ISLR2: variants seen among roughly 807,000 people sequenced by gnomAD.
The protein encoded by ISLR2 is immunoglobulin superfamily containing leucine rich repeat 2.
Under a neutral mutation model 25.5 loss-of-function variants are expected in ISLR2, and 16 were observed. That is an observed-to-expected ratio of 0.63 (90% CI 0.43 to 0.95). The LOEUF is 0.95. Ranked by LOEUF, ISLR2 falls within the 40% of genes least tolerant of loss-of-function variation. The pLI is 0.00. For synonymous variants in ISLR2, 508 were observed against 486.6 expected, an observed-to-expected ratio of 1.04 and a Z score of -0.58; for missense variants, 883 against 1,030.7, an observed-to-expected ratio of 0.86 and a Z score of 1.96.
At chr15:74,122,818 GC>G (rs1048431641) in intron 2 of ISLR2, among the ~76,000 whole-genome samples, 2 of 152,192 alleles carry the variant, frequency 1.3e-5, no homozygotes, top group Non-Finnish European at 2.9e-5. Context: ...GCCCTGCGCA[GC>G]CCCCCAACCC....
rs765787802 is a variant in ISLR2, at chr15:74,134,012, C to T, written c.1258C>T (p.Gln420Ter). The T allele has an allele frequency of 6.2e-7, 1 of 1,613,066 alleles. No homozygotes were observed. The highest frequency in any genetic ancestry group is 8.5e-7 in the Non-Finnish European group (1 of 1,179,602). Reference protein sequence around the residue: ...PSKPEGKIKGQGLAKVSILGE... With the variant: ...PSKPEGKIKG ...CAAACCCGAGGGCAAAATCAAAGGCCAAGGCCTGGCCAAGGTCAGCATTCT... is the reference window on the plus strand; with the variant it reads ...CAAACCCGAGGGCAAAATCAAAGGCTAAGGCCTGGCCAAGGTCAGCATTCT... The change falls in exon 3 of 3, where the codon CAA becomes TAA. Residue 420 changes from glutamine to a stop codon, truncating the protein, a stop_gained. Transcript: ENST00000453268. LOFTEE classifies it high-confidence loss of function.
chr15:74,133,437 T>C lies in ISLR2; in HGVS notation c.683T>C (p.Leu228Pro). ...QGVPVYRLPALPCAPPSVHLS... is the reference protein window; with the variant it reads ...QGVPVYRLPAPPCAPPSVHLS... ...GTGCCGGTGTACCGCCTGCCCGCCC[T>C]GCCCTGTGCACCGCCCAGCGTGCAT... Residue 228 changes from leucine to proline, a missense_variant, in exon 3 of 3, where the codon CTG becomes CCG. Physicochemically the swap from Leu to Pro is moderately conservative, Grantham distance 98. This residue lies in a region of ISLR2 where 271 missense variants were observed against 387.9 expected (regional missense o/e 0.70). Coordinates refer to ENST00000453268, the MANE Select transcript of ISLR2 (RefSeq NM_020851.3). 6.2e-7 allele frequency: 1 copy of C among 1,609,560 alleles called. No individual in the cohort carries two copies. The highest frequency in any genetic ancestry group is 8.5e-7 in the Non-Finnish European group (1 of 1,179,604).
chr15:74,116,163 C>A (rs2072208957), intron 2 of ISLR2, among the ~76,000 whole-genome samples: 1 of 152,188 alleles, frequency 6.6e-6, no homozygotes, highest in Non-Finnish European at 1.5e-5. Context: ...TGCCACTGCA[C>A]TCCAGCCTGG....
chr15:74,122,241 C>A (rs559033083), intron 2 of ISLR2, among the ~76,000 whole-genome samples: 1 of 152,344 alleles, frequency 6.6e-6, no homozygotes, highest in Admixed American at 6.5e-5. Flanking sequence ...GGATAGAGGA[C>A]CTCCAGGCCC....
downstream of ISLR2, among the ~76,000 whole-genome samples, chr15:74,139,961 G>T (rs988694125): frequency 4.0e-5 from 6 of 150,822 alleles, no homozygotes; most frequent in South Asian, 1.3e-3. Flanking sequence ...GACAGCAGTA[G>T]CCTCAGAACT....
At position 74,135,732 on chromosome 15, in the gene ISLR2, ACCTCAGGTGATC is replaced by A. The variant is rs2072554665; in HGVS notation, c.*742_*753del. 1 of 155,882 alleles carries A rather than the reference ACCTCAGGTGATC, an allele frequency of 6.4e-6. No individual in the cohort carries two copies. The highest frequency in any genetic ancestry group is 1.5e-5 in the Non-Finnish European group (1 of 68,010). 9.7% of individuals were successfully genotyped at this position (155,882 alleles called of 1,614,324 possible). ...TGGCCAGGATGGTCTGGATCTCTTG[ACCTCAGGTGATC>A]CATCTGCCTCGGCCTCTCAAAGTGC... On this transcript the variant is annotated 3_prime_UTR_variant, in exon 3 of 3. Transcript: ENST00000453268.
chr15:74,124,924 C>A (rs868420091), upstream of ISLR2, among the ~76,000 whole-genome samples: 5 of 152,332 alleles, frequency 3.3e-5, no homozygotes, highest in Non-Finnish European at 7.3e-5. Flanking sequence ...TGTCACTGAG[C>A]CGCTGAATCA....
Position 74,133,459 on chromosome 15 carries a change from G to T in ISLR2, c.705G>T (p.Val235=). The T allele has an allele frequency of 6.2e-7, 1 of 1,611,868 alleles. No individual in the cohort carries two copies. The highest frequency in any genetic ancestry group is 8.5e-7 in the Non-Finnish European group (1 of 1,179,746). ...LPALPCAPPS[V]HLSAEPPLEA... is the part of the protein sequence containing the mutation. ...CCCTGCCCTGTGCACCGCCCAGCGT[G>T]CATCTGAGTGCCGAGCCACCGCTTG... is the stretch of plus-strand genomic sequence containing the variant. Residue 235 remains valine, a synonymous_variant, in exon 3 of 3, where the codon GTG becomes GTT. Coordinates refer to ENST00000453268, the MANE Select transcript of ISLR2 (RefSeq NM_020851.3).
chr15:74,137,369 G>T (rs2072580422), downstream of ISLR2, among the ~76,000 whole-genome samples: 1 of 152,332 alleles, frequency 6.6e-6, no homozygotes, highest in South Asian at 2.1e-4. Context: ...TGGCCAGGCC[G>T]ATTGCCCAGA....
chr15:74,132,856 C>G lies in ISLR2; in HGVS notation c.102C>G (p.Phe34Leu). 1 of 1,614,118 alleles carries G rather than the reference C, an allele frequency of 6.2e-7. No homozygotes were observed. The highest frequency in any genetic ancestry group is 8.5e-7 in the Non-Finnish European group (1 of 1,179,954). ...GCGTGGACAAGTACGCTCACCAGTT[C>G]GCGGACTGCGCTTACAAAGAGTTGC... ...CACVDKYAHQFADCAYKELRE... is the reference protein window; with the variant it reads ...CACVDKYAHQLADCAYKELRE... The change falls in exon 3 of 3, where the codon TTC (phenylalanine) becomes TTG (leucine). Residue 34 changes from phenylalanine to leucine, a missense_variant. Transcript: ENST00000453268. This position sits in a 1 kb window ranked among gnomAD's most constrained non-coding sequence, Gnocchi z 4.3.
chr15:74,105,012 CT>C (rs1392395756), intron 2 of ISLR2, among the ~76,000 whole-genome samples: 19 of 43,944 alleles, frequency 4.3e-4, no homozygotes, highest in African/African-American at 1.3e-3. Context: ...AAGAAATGTA[CT>C]GCATCTGGCT....
intron 2 of ISLR2, among the ~76,000 whole-genome samples, chr15:74,120,853 A>G (rs946681060): frequency 3.3e-5 from 5 of 152,160 alleles, no homozygotes; most frequent in African/African-American, 1.2e-4. Context: ...AACTCTATAC[A>G]CCCAGCACCC....
rs562168385 is a variant in ISLR2, at chr15:74,103,442, A to G, written n.160-404A>G. 1.5e-4 allele frequency among the ~76,000 whole-genome samples: 22 copies of G among 142,724 alleles called. No homozygotes were observed. The South Asian group carries it at 4.3e-3, about 28-fold the overall frequency. 93.6% of individuals were successfully genotyped at this position (142,724 alleles called of 152,430 possible). On this transcript the variant is annotated intron_variant and non_coding_transcript_variant, in intron 1 of 3. Coordinates refer to the ISLR2 transcript ENST00000561975. The stretch of plus-strand genomic sequence containing the variant: ...ACATGTCGAACCCCATGTGTACTAA[A>G]AACAAAATCAAAATTAGCTGGGCAT...
rs375762446 is a variant in ISLR2 at position 74,133,911 on chromosome 15, G to A, written c.1157G>A (p.Gly386Glu). 2.5e-6 allele frequency: 4 copies of A among 1,604,832 alleles called. No individual in the cohort carries two copies. The highest frequency in any genetic ancestry group is 1.3e-5 in the African/African-American group (1 of 74,952). Residue 386 changes from glycine (G) to glutamate (E), a missense_variant, in exon 3 of 3, where the codon GGA becomes GAA. By Grantham distance (98) the Gly-to-Glu change is moderately conservative. Coordinates refer to ENST00000453268, the MANE Select transcript of ISLR2 (RefSeq NM_020851.3). Reference protein sequence around the residue: ...GPPKHAPGAGGEPDGQAPTSE... With the variant: ...GPPKHAPGAGEEPDGQAPTSE... Reference sequence around the variant, plus strand: ...CCAAAACACGCGCCTGGCGCCGGGGGAGAACCCGACGGACAGGCCCCGACC... The same window carrying A: ...CCAAAACACGCGCCTGGCGCCGGGGAAGAACCCGACGGACAGGCCCCGACC...
chr15:74,118,017 C>T lies in ISLR2; in HGVS notation n.229-13190C>T, dbSNP rs146776163. ...CAGGTGCCCTTCTCGCTAGTGTCTG[C>T]TGGCATATAATGAACTGTTGGGGGA... On this transcript the variant is annotated intron_variant and non_coding_transcript_variant, in intron 2 of 3. Coordinates refer to the ISLR2 transcript ENST00000561975. Among the ~76,000 whole-genome samples, 5 of 152,312 alleles carry T rather than the reference C, an allele frequency of 3.3e-5. No homozygotes were observed. In the East Asian group the frequency reaches 9.6e-4, roughly 29 times the overall value.
intron 1 of ISLR2, among the ~76,000 whole-genome samples, chr15:74,102,552 G>A (rs1369668967): frequency 6.6e-6 from 1 of 150,748 alleles, no homozygotes; most frequent in Non-Finnish European, 1.5e-5. Flanking sequence ...CACTTGCAAG[G>A]CTTGTGAAAT....
chr15:74,102,489 TAA>T (rs2072087865), intron 1 of ISLR2, among the ~76,000 whole-genome samples: 1 of 146,992 alleles, frequency 6.8e-6, no homozygotes, highest in South Asian at 2.3e-4. Context: ...GTTTTACTAT[TAA>T]AGATTGACTA....
Position 74,134,029 on chromosome 15 carries a change from C to T in ISLR2, c.1275C>T (p.Val425=), listed in dbSNP as rs1438700175. 6.2e-7 allele frequency: 1 copy of T among 1,613,534 alleles called. No homozygotes were observed. The highest frequency in any genetic ancestry group is 8.5e-7 in the Non-Finnish European group (1 of 1,179,792). ...GKIKGQGLAK[V]SILGETETEP... The stretch of plus-strand genomic sequence containing the variant: ...TCAAAGGCCAAGGCCTGGCCAAGGT[C>T]AGCATTCTCGGGGAGACCGAGACGG... The change falls in exon 3 of 3, where the codon GTC becomes GTT. Residue 425 remains valine, a synonymous_variant. Transcript: ENST00000453268.
chr15:74,104,966 G>A (rs1450898012), intron 2 of ISLR2, among the ~76,000 whole-genome samples: 2 of 86,474 alleles, frequency 2.3e-5, no homozygotes, highest in Admixed American at 2.6e-4. Flanking sequence ...TTGCGCATGT[G>A]ACCCCGCTAT....
Sources: allele counts gnomAD v4.1 joint callset (sites outside exome capture counted in the v4.1 genomes callset), GRCh38; gene constraint gnomAD v4.1.1; regional missense constraint gnomAD v4.1.1; non-coding constraint Gnocchi (gnomAD v3.1); transcripts MANE v1.5; gene names NCBI Gene and HGNC (gene_info 2026-07-23, HGNC 2026-07-21).